PTPRQ: variants seen among roughly 807,000 people sequenced by gnomAD.
The protein encoded by PTPRQ is protein tyrosine phosphatase receptor type Q.
Under a neutral mutation model 246.0 loss-of-function variants are expected in PTPRQ, and 199 were observed. That is an observed-to-expected ratio of 0.81 (90% CI 0.72 to 0.91). The LOEUF is 0.91. Ranked by LOEUF, PTPRQ falls within the 40% of genes least tolerant of loss-of-function variation. The probability of loss-of-function intolerance (pLI) is 0.00; values close to 1 mark genes in which losing one functional copy is unlikely to be tolerated. For missense variants in PTPRQ, 2,624 were observed against 2,528.4 expected (o/e 1.04, Z -0.81); for synonymous variants, 869 against 853.2 (o/e 1.02, Z -0.32).
At chr12:80,552,708 T>C (rs1355028288) in intron 25 of PTPRQ, among the ~76,000 whole-genome samples, 1 of 133,412 alleles carries the variant, frequency 7.5e-6, no homozygotes, top group East Asian at 2.3e-4. Context: ...GAAATTTGAA[T>C]TCCGTCTTAA....
At chr12:80,586,701 A>T (rs1475182932) in intron 25 of PTPRQ, 1 of 152,188 alleles carries the variant, frequency 6.6e-6, no homozygotes, top group Non-Finnish European at 1.5e-5. Flanking sequence ...CATCCAAAAC[A>T]CTACAGTTGG....
chr12:80,577,751 A>G (rs1156333530), intron 25 of PTPRQ, among the ~76,000 whole-genome samples: 1 of 152,142 alleles, frequency 6.6e-6, no homozygotes, highest in African/African-American at 2.4e-5. Flanking sequence ...ACAGATACAA[A>G]ACAATTTTAA....
intron 6 of PTPRQ, 89 bp downstream of exon 6, chr12:80,460,991 C>T: frequency 2.5e-6 from 1 of 394,990 alleles, no homozygotes; most frequent in Non-Finnish European, 4.5e-6. Flanking sequence ...ATCTTCTTTA[C>T]CTTTCAGTAA....
chr12:80,622,489 G>A (rs941552531), intron 33 of PTPRQ, among the ~76,000 whole-genome samples: 3 of 151,920 alleles, frequency 2.0e-5, no homozygotes, highest in African/African-American at 7.3e-5. Flanking sequence ...GGCATCTAGT[G>A]GGCAAAGATT....
chr12:80,651,101 T>C (rs933823809), intron 37 of PTPRQ, among the ~76,000 whole-genome samples: 6 of 152,110 alleles, frequency 3.9e-5, no homozygotes, highest in Admixed American at 2.0e-4. Context: ...TAAGTGACTT[T>C]GGGCAAATTT....
chr12:80,542,391 ACAATTT>A (rs1270580590), intron 22 of PTPRQ, 27 bp downstream of exon 22: 1 of 1,515,884 alleles, frequency 6.6e-7, no homozygotes, highest in Non-Finnish European at 8.8e-7. Context: ...ATTTCTTCAA[ACAATTT>A]CACTGTTGCA....
rs548115997 is a variant in PTPRQ, at chr12:80,541,587, G to A, written c.3187G>A (p.Glu1063Lys). The A allele has an allele frequency of 1.4e-4, 214 of 1,535,628 alleles. 2 individuals carry two copies. In the East Asian group the frequency reaches 5.0e-3, roughly 36 times the overall value. Residue 1063 changes from glutamate to lysine, a missense_variant, in exon 21 of 45, where the codon GAA becomes AAA. Physicochemically the swap from Glu to Lys is moderately conservative, Grantham distance 56. Coordinates refer to ENST00000644991, the MANE Select transcript of PTPRQ (RefSeq NM_001145026.2). Reference protein sequence around the residue: ...PEGFVGNLTYESISSTAINVS... With the variant: ...PEGFVGNLTYKSISSTAINVS... ...AGGGTTTGTTGGAAACCTGACTTAC[G>A]AATCCATTTCGTCAACTGCAATAAA...
chr12:80,674,574 G>C (rs956336901), intron 43 of PTPRQ, among the ~76,000 whole-genome samples: 6 of 152,032 alleles, frequency 3.9e-5, no homozygotes, highest in African/African-American at 1.2e-4. Flanking sequence ...AGATATTTGA[G>C]CTTCTACTCT....
chr12:80,570,199 A>G (rs969785169), intron 25 of PTPRQ, among the ~76,000 whole-genome samples: 1 of 152,222 alleles, frequency 6.6e-6, no homozygotes, highest in African/African-American at 2.4e-5. Context: ...ACTCCTACGA[A>G]CAGTATAAAA....
At chr12:80,534,813 C>G in intron 18 of PTPRQ, 79 bp from the exon 19 acceptor site, 1 of 1,440,460 alleles carries the variant, frequency 6.9e-7, no homozygotes, top group Non-Finnish European at 9.2e-7. Flanking sequence ...AATTTATAAA[C>G]TGTAGGTAAA....
chr12:80,585,519 CT>C (rs1332503199), intron 25 of PTPRQ, among the ~76,000 whole-genome samples: 2 of 152,104 alleles, frequency 1.3e-5, no homozygotes, highest in Non-Finnish European at 2.9e-5. Flanking sequence ...AAGAGAGAGC[CT>C]GCCACTTCTC....
chr12:80,650,101 G>C (rs1005463277), intron 37 of PTPRQ, among the ~76,000 whole-genome samples: 2 of 151,928 alleles, frequency 1.3e-5, no homozygotes, highest in African/African-American at 4.8e-5. Context: ...GTTTACATTA[G>C]TGATATAGAT....
intron 35 of PTPRQ, among the ~76,000 whole-genome samples, chr12:80,642,912 T>A (rs1592750732): frequency 1.5e-5 from 1 of 65,226 alleles, no homozygotes. Flanking sequence ...AGAGCGAGAC[T>A]CCGTCTTAAA....
intron 35 of PTPRQ, among the ~76,000 whole-genome samples, chr12:80,646,015 G>A (rs1365230652): frequency 6.6e-6 from 1 of 152,076 alleles, no homozygotes. Flanking sequence ...CTAGATATTC[G>A]TGACTACTAT....
At chr12:80,606,666 G>A (rs774564056) in intron 27 of PTPRQ, among the ~76,000 whole-genome samples, 4 of 150,746 alleles carry the variant, frequency 2.7e-5, no homozygotes, top group Non-Finnish European at 4.5e-5. Context: ...TTATGTCTTT[G>A]TAGTATTCCT....
At chr12:80,491,564 C>A (rs1894450401) in intron 9 of PTPRQ, among the ~76,000 whole-genome samples, 1 of 151,924 alleles carries the variant, frequency 6.6e-6, no homozygotes, top group Non-Finnish European at 1.5e-5. Context: ...AAACCTGTTG[C>A]TTTTCATGAC....
At chr12:80,648,027 C>A (rs758820598) in intron 35 of PTPRQ, among the ~76,000 whole-genome samples, 1 of 152,022 alleles carries the variant, frequency 6.6e-6, no homozygotes, top group African/African-American at 2.4e-5. Flanking sequence ...ATTGAATACA[C>A]CTCTTTTTGA....
chr12:80,669,019 C>A lies in PTPRQ; in HGVS notation c.6205C>A (p.Pro2069Thr). Residue 2069 changes from proline (P) to threonine (T), a missense_variant, in exon 40 of 45, where the codon CCA becomes ACA. By Grantham distance (38) the Pro-to-Thr change is conservative (BLOSUM62 -1). Transcript: ENST00000644991. ...TATATCCTTCTAGGGTTATTTATGT[C>A]CAAATGAATTTATTGCTACTCAAGG... ...NASYISGYLC[P>T]NEFIATQGPL... 6.5e-7 allele frequency: 1 copy of A among 1,549,232 alleles called. No homozygotes were observed. Among genetic ancestry groups the A allele is most frequent in the Non-Finnish European group, 8.7e-7 (1 of 1,145,516 alleles).
intron 6 of PTPRQ, among the ~76,000 whole-genome samples, chr12:80,465,756 A>G (rs915020248): frequency 1.1e-4 from 17 of 152,292 alleles, no homozygotes; most frequent in African/African-American, 1.7e-4. Context: ...GACAAAAACC[A>G]CATGATTATC....
Sources: gnomAD v4.1 joint callset for allele counts (sites outside exome capture counted in the v4.1 genomes callset) on GRCh38, gnomAD v4.1.1 for gene constraint, MANE v1.5 for transcripts, NCBI Gene and HGNC (gene_info 2026-07-23, HGNC 2026-07-21) for gene names.